The following PDSS2 variants were observed in gnomAD, a reference collection of about 807,000 sequenced individuals.
PDSS2 encodes the protein all trans-polyprenyl-diphosphate synthase PDSS2.
A neutral mutation model predicts 44.5 loss-of-function variants in PDSS2; 31 were observed. The observed-to-expected ratio is 0.70, with a 90% CI of 0.52 to 0.94. PDSS2 has a LOEUF of 0.94. Ranked by LOEUF, PDSS2 falls within the 40% of genes least tolerant of loss-of-function variation. The probability of loss-of-function intolerance (pLI) is 0.00; values close to 1 mark genes in which losing one functional copy is unlikely to be tolerated. For missense variants in PDSS2, 452 were observed against 482.2 expected (o/e 0.94, Z 0.59); for synonymous variants, 157 against 180.3 (o/e 0.87, Z 1.03).
intron 4 of PDSS2, among the ~76,000 whole-genome samples, chr6:107,225,155 A>T (rs998666088): frequency 6.2e-4 from 32 of 51,418 alleles, no homozygotes; most frequent in African/African-American, 1.2e-3. Context: ...ATATATATAT[A>T]TATATATTTT....
At chr6:107,236,436 C>T (rs914705922) in intron 4 of PDSS2, among the ~76,000 whole-genome samples, 5 of 151,160 alleles carry the variant, frequency 3.3e-5, no homozygotes, top group Non-Finnish European at 2.9e-5. Flanking sequence ...CCATTGGACT[C>T]CAGCCTGGGC....
At chr6:107,415,323 T>G (rs1254933162) in intron 1 of PDSS2, among the ~76,000 whole-genome samples, 1 of 152,090 alleles carries the variant, frequency 6.6e-6, no homozygotes, top group Non-Finnish European at 1.5e-5. Flanking sequence ...AAAATTTTTT[T>G]TTGTTAATCA....
intron 1 of PDSS2, among the ~76,000 whole-genome samples, chr6:107,440,100 C>T (rs1362864010): frequency 6.6e-6 from 1 of 152,176 alleles, no homozygotes; most frequent in African/African-American, 2.4e-5. Flanking sequence ...GGTCTCACTG[C>T]TAAGTGTCCC....
rs1453798867 is a variant in PDSS2 at position 107,212,295 on chromosome 6, C to T, written c.703-13G>A. On this transcript the variant is annotated splice_polypyrimidine_tract_variant and intron_variant, in intron 4 of 7. Transcript: ENST00000369037. The stretch of plus-strand genomic sequence containing the variant: ...TGATATAACTTTCCTAAAAATGTAA[C>T]AAAAGCCAAGATAAAAAAGACTTTA... 2.5e-6 allele frequency: 4 copies of T among 1,602,390 alleles called. No individual in the cohort carries two copies. In the African/African-American group the frequency reaches 5.4e-5, roughly 21 times the overall value.
chr6:107,377,571 A>G (rs1055655857), intron 1 of PDSS2, among the ~76,000 whole-genome samples: 5 of 152,194 alleles, frequency 3.3e-5, no homozygotes, highest in Admixed American at 2.6e-4. Context: ...ATGCTGCTAT[A>G]AAGACACACG....
At chr6:107,181,790 T>TGA (rs1452606572) in intron 7 of PDSS2, among the ~76,000 whole-genome samples, 1 of 150,230 alleles carries the variant, frequency 6.7e-6, no homozygotes, top group Non-Finnish European at 1.5e-5. Context: ...CTCAGGAGGC[T>TGA]GAGGCAGGAG....
chr6:107,165,443 T>C (rs552173169), intron 7 of PDSS2, among the ~76,000 whole-genome samples: 51 of 152,324 alleles, frequency 3.3e-4, no homozygotes, highest in African/African-American at 1.2e-3. Context: ...ATTTCTTGGT[T>C]TTGTCAGGTT....
Position 107,274,240 on chromosome 6 carries a change from G to T in PDSS2, c.432-13C>A. On this transcript the variant is annotated splice_polypyrimidine_tract_variant and intron_variant, in intron 2 of 7. Transcript: ENST00000369037. ...CAAACTTCTTTGACTAAAACATAAA[G>T]GTAAGATTTGTTAGAATATCAAGAA... The T allele has an allele frequency of 6.3e-7, 1 of 1,592,602 alleles. No homozygotes were observed. The highest frequency in any genetic ancestry group is 8.6e-7 in the Non-Finnish European group (1 of 1,160,476).
At position 107,283,014 on chromosome 6, in the gene PDSS2, G is replaced by A. The variant is rs377506432; in HGVS notation, c.432-8787C>T. 5.3e-5 allele frequency among the ~76,000 whole-genome samples: 8 copies of A among 149,660 alleles called. No individual in the cohort carries two copies. The East Asian group carries it at 1.5e-3, about 28-fold the overall frequency. ...GCTAGGGAAACAGCTGTGAGCCACC[G>A]TACCCAGACTGATAAACAGTTTGGC... On this transcript the variant is annotated intron_variant, in intron 2 of 7. Transcript: ENST00000369037.
intron 1 of PDSS2, among the ~76,000 whole-genome samples, chr6:107,369,996 G>A (rs1156255459): frequency 1.3e-5 from 2 of 149,930 alleles, no homozygotes; most frequent in Admixed American, 1.3e-4. Flanking sequence ...GATGTGTTTC[G>A]CAAAGAAAAA....
At chr6:107,269,461 A>T (rs781640329) in intron 3 of PDSS2, among the ~76,000 whole-genome samples, 7 of 151,250 alleles carry the variant, frequency 4.6e-5, no homozygotes, top group Non-Finnish European at 1.0e-4. Flanking sequence ...TGAAAATTTT[A>T]ATCTTGTATA....
At chr6:107,347,716 C>T (rs1778298106) in intron 1 of PDSS2, among the ~76,000 whole-genome samples, 2 of 152,092 alleles carry the variant, frequency 1.3e-5, no homozygotes, top group African/African-American at 4.8e-5. Context: ...AATTTATATA[C>T]ATTATATGTT....
At chr6:107,417,350 T>C (rs1780693538) in intron 1 of PDSS2, among the ~76,000 whole-genome samples, 1 of 152,224 alleles carries the variant, frequency 6.6e-6, no homozygotes, top group African/African-American at 2.4e-5. Context: ...TACATGCTGA[T>C]AGTGTTACAA....
At chr6:107,210,338 C>T in intron 6 of PDSS2, 101 bp downstream of exon 6, 2 of 890,676 alleles carry the variant, frequency 2.2e-6, no homozygotes, top group Middle Eastern at 3.2e-4. Flanking sequence ...GTGAATATGC[C>T]TAAGGCTCAT....
chr6:107,234,168 C>T (rs1260582694), intron 4 of PDSS2, among the ~76,000 whole-genome samples: 1 of 151,936 alleles, frequency 6.6e-6, no homozygotes, highest in Non-Finnish European at 1.5e-5. Flanking sequence ...AACTTCCTTT[C>T]CATATTCTCC....
chr6:107,208,285 C>CTTTTTT (rs1164014672), intron 6 of PDSS2, among the ~76,000 whole-genome samples: 6 of 53,300 alleles, frequency 1.1e-4, no homozygotes, highest in Admixed American at 3.2e-4. Context: ...CATGCCTGGC[C>CTTTTTT]TTTTTTTTTT....
At chr6:107,236,470 A>G (rs968941184) in intron 4 of PDSS2, among the ~76,000 whole-genome samples, 3 of 151,142 alleles carry the variant, frequency 2.0e-5, no homozygotes, top group Admixed American at 1.3e-4. Flanking sequence ...TCTGTCTCAA[A>G]AAAAAAAAAA....
Position 107,154,240 on chromosome 6 carries a change from C to G in PDSS2, c.*379G>C. ...AGAGCATTTCTCTTGACACCTGCAG[C>G]TTCCAACTTGCTTTGTCCTCTCTAG... On this transcript the variant is annotated 3_prime_UTR_variant, in exon 8 of 8. Coordinates refer to ENST00000369037, the MANE Select transcript of PDSS2 (RefSeq NM_020381.4). 3.5e-6 allele frequency: 1 copy of G among 289,218 alleles called. No individual in the cohort carries two copies. Among genetic ancestry groups the G allele is most frequent in the Admixed American group, 4.9e-5 (1 of 20,256 alleles). The allele number at this position is 289,218 out of a possible 1,614,324, so 17.9% of individuals were successfully genotyped here.
chr6:107,261,120 T>C (rs1408236619), intron 3 of PDSS2, among the ~76,000 whole-genome samples: 1 of 152,254 alleles, frequency 6.6e-6, no homozygotes, highest in Admixed American at 6.5e-5. Flanking sequence ...ACTGGGTGGA[T>C]AGACAGCTGA....
Sources: gnomAD v4.1 joint callset for allele counts (sites outside exome capture counted in the v4.1 genomes callset) on GRCh38, gnomAD v4.1.1 for gene constraint, MANE v1.5 for transcripts, NCBI Gene and HGNC (gene_info 2026-07-23, HGNC 2026-07-21) for gene names.